Variants in GTF2F2 observed in about 807,000 individuals in gnomAD.
GTF2F2 encodes the protein ATP-dependent helicase GTF2F2.
In GTF2F2, 23 loss-of-function variants were observed where a neutral mutation model predicts 42.2. That is an observed-to-expected ratio of 0.55 (90% CI 0.39 to 0.77). The LOEUF (loss-of-function observed/expected upper bound fraction) is 0.77, where lower values mean the gene tolerates loss of function less well. GTF2F2 is among the 30% of genes least tolerant of loss of function. The pLI is 0.00. For missense variants in GTF2F2, 261 were observed against 287.2 expected (o/e 0.91, Z 0.66); for synonymous variants, 105 against 100.8 (o/e 1.04, Z -0.25).
rs532099083 is a variant in GTF2F2, at chr13:45,195,156, T to G, written c.305-12268T>G. On this transcript the variant is annotated intron_variant, in intron 4 of 7. Coordinates refer to ENST00000340473, the MANE Select transcript of GTF2F2 (RefSeq NM_004128.3). ...ATTTTTGAGACACAAATAAGAATAC[T>G]TAACCTGCTACTTGTGACACTGCAC... Among the ~76,000 whole-genome samples, 236 of 152,326 alleles carry G rather than the reference T, an allele frequency of 1.5e-3. 1 individual carries two copies. The highest frequency in any genetic ancestry group is 3.0e-3 in the Non-Finnish European group (201 of 68,030).
At chr13:45,250,304 C>T (rs1393035213) in intron 5 of GTF2F2, among the ~76,000 whole-genome samples, 2 of 152,098 alleles carry the variant, frequency 1.3e-5, no homozygotes, top group Non-Finnish European at 2.9e-5. Context: ...ATCTGCCTGC[C>T]TCCACCTCCC....
intron 7 of GTF2F2, among the ~76,000 whole-genome samples, chr13:45,271,383 A>T (rs1876786519): frequency 6.7e-6 from 1 of 150,072 alleles, no homozygotes. Flanking sequence ...GTTTATTTTT[A>T]TTTTATTTTA....
At chr13:45,194,110 T>C (rs1872768572) in intron 4 of GTF2F2, 1 of 1,614,108 alleles carries the variant, frequency 6.2e-7, no homozygotes, top group South Asian at 1.1e-5. Context: ...TCTTAATCCT[T>C]GTGAACGATC....
intron 1 of GTF2F2, chr13:45,124,118 A>G (rs1174020696): frequency 1.7e-5 from 12 of 720,230 alleles, no homozygotes; most frequent in East Asian, 5.4e-5. Context: ...GTTGAGGGCA[A>G]TGCCAGCCCC....
rs1873274994 is a variant in GTF2F2 at position 45,203,151 on chromosome 13, A to G, written c.305-4273A>G. ...GAGTGCAGTGATGTGATCTCAGCTC[A>G]TTGCAACCTCTACCTACAGAGTTCA... On this transcript the variant is annotated intron_variant, in intron 4 of 7. Transcript: ENST00000340473. Among the ~76,000 whole-genome samples, 3 of 151,914 alleles carry G rather than the reference A, an allele frequency of 2.0e-5. No homozygotes were observed. In the South Asian group the frequency reaches 6.2e-4, roughly 31 times the overall value.
chr13:45,156,080 G>A (rs754525458), intron 4 of GTF2F2, among the ~76,000 whole-genome samples: 16 of 151,938 alleles, frequency 1.1e-4, no homozygotes, highest in African/African-American at 2.9e-4. Context: ...GACTACAGGC[G>A]TGCACCACCA....
chr13:45,146,560 A>T (rs1870203826), intron 2 of GTF2F2, among the ~76,000 whole-genome samples: 1 of 152,200 alleles, frequency 6.6e-6, no homozygotes, highest in African/African-American at 2.4e-5. Context: ...TGTTTTATTA[A>T]CCTGGAAAAG....
chr13:45,137,930 T>G (rs1474362206), intron 2 of GTF2F2, among the ~76,000 whole-genome samples: 1 of 152,232 alleles, frequency 6.6e-6, no homozygotes, highest in Non-Finnish European at 1.5e-5. Flanking sequence ...TTCTCTGTAT[T>G]GTTCCAATTT....
At chr13:45,201,121 T>C (rs997392133) in intron 4 of GTF2F2, among the ~76,000 whole-genome samples, 1 of 152,252 alleles carries the variant, frequency 6.6e-6, no homozygotes, top group African/African-American at 2.4e-5. Context: ...TAATAAGCAG[T>C]GTTGCTGCTT....
At chr13:45,251,389 A>T (rs1593518937) in intron 5 of GTF2F2, among the ~76,000 whole-genome samples, 1 of 152,170 alleles carries the variant, frequency 6.6e-6, no homozygotes, top group Non-Finnish European at 1.5e-5. Context: ...TTAAACTTGT[A>T]TTATTTTTTA....
intron 4 of GTF2F2, among the ~76,000 whole-genome samples, chr13:45,195,528 CTTGTTTGT>C (rs10564668): frequency 2.0e-5 from 3 of 151,858 alleles, no homozygotes; most frequent in Non-Finnish European, 2.9e-5. Context: ...AAGTTAGTTT[CTTGTTTGT>C]TTGTTTGTTT....
At chr13:45,143,775 T>G (rs2138109770) in intron 2 of GTF2F2, among the ~76,000 whole-genome samples, 1 of 152,334 alleles carries the variant, frequency 6.6e-6, no homozygotes. Context: ...AATTTGGTTC[T>G]GTCTTAATAC....
chr13:45,259,647 C>CT lies in GTF2F2; in HGVS notation c.486+6703dup, dbSNP rs1172870085. Reference sequence around the variant, plus strand: ...AAACCTCTTTCTCGCAAACCTAGAACTTTTTTTTTTTTTTTTTTTTTTTTT... The same window carrying CT: ...AAACCTCTTTCTCGCAAACCTAGAACTTTTTTTTTTTTTTTTTTTTTTTTTT... On this transcript the variant is annotated intron_variant, in intron 6 of 7. Coordinates refer to ENST00000340473, the MANE Select transcript of GTF2F2 (RefSeq NM_004128.3). 7.5e-3 allele frequency among the ~76,000 whole-genome samples: 540 copies of CT among 72,266 alleles called. 77 individuals carry two copies. Among genetic ancestry groups the CT allele is most frequent in the African/African-American group, 0.024 (444 of 18,598 alleles). 47.4% of individuals were successfully genotyped at this position (72,266 alleles called of 152,430 possible).
chr13:45,211,736 TGCCACCATTCCCG>T (rs1427691720), intron 5 of GTF2F2, among the ~76,000 whole-genome samples: 1 of 151,874 alleles, frequency 6.6e-6, no homozygotes, highest in Non-Finnish European at 1.5e-5. Context: ...TCCAGGCATG[TGCCACCATTCCCG>T]GCCAATTTTG....
intron 2 of GTF2F2, among the ~76,000 whole-genome samples, chr13:45,144,717 G>A (rs1037217790): frequency 2.0e-5 from 3 of 151,828 alleles, no homozygotes; most frequent in Non-Finnish European, 2.9e-5. Flanking sequence ...CTTATTTCTA[G>A]CTTTATTTCT....
At chr13:45,144,323 C>T (rs1416969124) in intron 2 of GTF2F2, among the ~76,000 whole-genome samples, 5 of 152,076 alleles carry the variant, frequency 3.3e-5, no homozygotes, top group Non-Finnish European at 5.9e-5. Flanking sequence ...TTGTACATCA[C>T]CATCCTGCCT....
intron 1 of GTF2F2, among the ~76,000 whole-genome samples, chr13:45,124,856 G>A (rs1203230751): frequency 9.2e-5 from 14 of 151,934 alleles, no homozygotes. Context: ...GAGCCACTGT[G>A]CCCAGCCAAG....
chr13:45,236,282 G>A (rs1031645990), intron 5 of GTF2F2, among the ~76,000 whole-genome samples: 3 of 152,136 alleles, frequency 2.0e-5, no homozygotes, highest in African/African-American at 7.2e-5. Context: ...GAACCAAAAG[G>A]CAGGAATGAC....
At chr13:45,153,316 C>A (rs1309218604) in intron 4 of GTF2F2, among the ~76,000 whole-genome samples, 1 of 152,014 alleles carries the variant, frequency 6.6e-6, no homozygotes, top group Non-Finnish European at 1.5e-5. Flanking sequence ...CCGGGCCCGG[C>A]CGAATTTTTT....
Sources: allele counts gnomAD v4.1 joint callset (sites outside exome capture counted in the v4.1 genomes callset), GRCh38; gene constraint gnomAD v4.1.1; transcripts MANE v1.5; gene names NCBI Gene and HGNC (gene_info 2026-07-23, HGNC 2026-07-21).